The following PPARGC1A variants were observed in gnomAD, a reference collection of about 807,000 sequenced individuals.
PPARGC1A encodes the protein peroxisome proliferator-activated receptor gamma coactivator 1-alpha.
PPARGC1A carries 25 observed loss-of-function variants against 88.7 expected under a neutral mutation model. The observed-to-expected ratio is 0.28, with a 90% CI of 0.21 to 0.39. PPARGC1A has a LOEUF of 0.39. Ranked by LOEUF, PPARGC1A falls within the 10% of genes least tolerant of loss-of-function variation. The probability of loss-of-function intolerance (pLI) is 1.00; values close to 1 mark genes in which losing one functional copy is unlikely to be tolerated. For missense variants in PPARGC1A, 880 were observed against 968.7 expected (o/e 0.91, Z 1.22); for synonymous variants, 363 against 355.6 (o/e 1.02, Z -0.24).
chr4:24,397,573 C>A, the PPARGC1A span, among the ~76,000 whole-genome samples: 1 of 152,182 alleles, frequency 6.6e-6, no homozygotes, highest in Non-Finnish European at 1.5e-5. Flanking sequence ...AAGAGACATA[C>A]TTTCTTCTCC....
chr4:24,151,471 G>A, the PPARGC1A span, among the ~76,000 whole-genome samples: 1 of 152,024 alleles, frequency 6.6e-6, no homozygotes, highest in Non-Finnish European at 1.5e-5. Flanking sequence ...CCTCCCAAAG[G>A]TCCACCTCCA....
the PPARGC1A span, among the ~76,000 whole-genome samples, chr4:24,160,475 C>G: frequency 6.6e-6 from 1 of 152,166 alleles, no homozygotes. Flanking sequence ...CAAGCTGTTC[C>G]ATCATGCCTA....
the PPARGC1A span, among the ~76,000 whole-genome samples, chr4:24,153,617 A>ACC: frequency 2.0e-5 from 3 of 152,208 alleles, no homozygotes; most frequent in Non-Finnish European, 4.4e-5. Flanking sequence ...TTAACATGCC[A>ACC]ATCAGTCCGT....
chr4:23,827,588 A>G (rs1304737026), intron 5 of PPARGC1A, among the ~76,000 whole-genome samples: 1 of 152,176 alleles, frequency 6.6e-6, no homozygotes, highest in African/African-American at 2.4e-5. Context: ...AGGAGCCTAA[A>G]AGATAGAAAA....
At chr4:24,089,526 T>G in the PPARGC1A span, among the ~76,000 whole-genome samples, 1 of 143,654 alleles carries the variant, frequency 7.0e-6, no homozygotes, top group African/African-American at 2.6e-5. Context: ...TTTTTTTTTT[T>G]TTGAGACGGA....
At chr4:24,295,271 T>G in the PPARGC1A span, among the ~76,000 whole-genome samples, 1 of 152,214 alleles carries the variant, frequency 6.6e-6, no homozygotes, top group Non-Finnish European at 1.5e-5. Context: ...TGAGAGATGT[T>G]TATTGAAGCC....
At chr4:24,418,555 AC>A in the PPARGC1A span, among the ~76,000 whole-genome samples, 2 of 151,870 alleles carry the variant, frequency 1.3e-5, no homozygotes, top group African/African-American at 2.4e-5. Flanking sequence ...ACTCTAACAG[AC>A]CTAATTCTAA....
chr4:24,397,614 C>T, the PPARGC1A span, among the ~76,000 whole-genome samples: 24 of 152,260 alleles, frequency 1.6e-4, no homozygotes, highest in South Asian at 4.8e-3. Context: ...CTGGCTGGAA[C>T]GGATGACTAG....
At chr4:23,908,432 G>A (rs1046192738), upstream of PPARGC1A, among the ~76,000 whole-genome samples, 2 of 151,050 alleles carry the variant, frequency 1.3e-5, no homozygotes, top group African/African-American at 4.9e-5. Context: ...ACATAGGAGA[G>A]AAGAAATGTA....
chr4:24,144,670 C>T, the PPARGC1A span, among the ~76,000 whole-genome samples: 1 of 152,052 alleles, frequency 6.6e-6, no homozygotes, highest in East Asian at 1.9e-4. Context: ...TTCTCTCCTT[C>T]TCGCCCCACT....
the PPARGC1A span, among the ~76,000 whole-genome samples, chr4:24,103,213 A>C: frequency 6.6e-6 from 1 of 152,168 alleles, no homozygotes; most frequent in Non-Finnish European, 1.5e-5. Flanking sequence ...GAAAGGGGGA[A>C]GCCTTGGCCG....
At chr4:23,982,454 G>A in the PPARGC1A span, among the ~76,000 whole-genome samples, 463 of 152,212 alleles carry the variant, frequency 3.0e-3, 3 homozygotes, top group African/African-American at 0.01. Flanking sequence ...CCTGGAAGTT[G>A]AAAATGTCAT....
chr4:23,904,066 A>T (rs1719748310), upstream of PPARGC1A: 1 of 982,124 alleles, frequency 1.0e-6, no homozygotes, highest in East Asian at 1.1e-4. Context: ...AAATACTGGT[A>T]TCATGAGATG....
the PPARGC1A span, among the ~76,000 whole-genome samples, chr4:23,979,383 T>C: frequency 6.6e-6 from 1 of 152,218 alleles, no homozygotes; most frequent in African/African-American, 2.4e-5. Flanking sequence ...TATTTCTTCC[T>C]ACCACAGGGC....
chr4:24,022,538 G>A, the PPARGC1A span, among the ~76,000 whole-genome samples: 3 of 152,166 alleles, frequency 2.0e-5, no homozygotes, highest in African/African-American at 7.2e-5. Context: ...AAAGCATGTG[G>A]CACATGAGAG....
the PPARGC1A span, among the ~76,000 whole-genome samples, chr4:24,222,453 T>C: frequency 6.6e-6 from 1 of 152,240 alleles, no homozygotes; most frequent in African/African-American, 2.4e-5. Context: ...GAGAATTTGA[T>C]GAGCTAACGT....
chr4:24,184,211 T>C, the PPARGC1A span, among the ~76,000 whole-genome samples: 1 of 152,208 alleles, frequency 6.6e-6, no homozygotes, highest in Non-Finnish European at 1.5e-5. Flanking sequence ...TTTAAGTATT[T>C]CACCCAGAGT....
At chr4:24,197,925 G>A in the PPARGC1A span, among the ~76,000 whole-genome samples, 11 of 152,208 alleles carry the variant, frequency 7.2e-5, no homozygotes, top group Admixed American at 3.3e-4. Flanking sequence ...GGAGACACTC[G>A]GACTTAAATT....
At chr4:23,994,296 T>C in the PPARGC1A span, among the ~76,000 whole-genome samples, 2 of 152,144 alleles carry the variant, frequency 1.3e-5, no homozygotes, top group African/African-American at 4.8e-5. Context: ...CCCAGAGTTC[T>C]TTTGATCCCT....
Sources: gnomAD v4.1 joint callset for allele counts (sites outside exome capture counted in the v4.1 genomes callset) on GRCh38, gnomAD v4.1.1 for gene constraint, MANE v1.5 for transcripts, NCBI Gene and HGNC (gene_info 2026-07-23, HGNC 2026-07-21) for gene names.